SP140L: variants seen among roughly 807,000 people sequenced by gnomAD.
The protein encoded by SP140L is nuclear body protein SP140-like protein.
In SP140L, 64 loss-of-function variants were observed where a neutral mutation model predicts 84.3. That is an observed-to-expected ratio of 0.76 (90% confidence interval 0.62 to 0.94). SP140L has a LOEUF of 0.94. Ranked by LOEUF, SP140L falls within the 40% of genes least tolerant of loss-of-function variation. The pLI is 0.00. For missense variants in SP140L, 628 were observed against 692.5 expected (o/e 0.91, Z 1.05); for synonymous variants, 242 against 236.9 (o/e 1.02, Z -0.20).
intron 5 of SP140L, among the ~76,000 whole-genome samples, chr2:230,368,171 G>A (rs1025898523): frequency 6.6e-6 from 1 of 152,136 alleles, no homozygotes; most frequent in African/African-American, 2.4e-5. Flanking sequence ...TAGTGGTAAT[G>A]AACTTTCTTA....
chr2:230,339,163 A>G (rs547069418), intron 2 of SP140L, among the ~76,000 whole-genome samples: 3,504 of 151,508 alleles, frequency 0.023, 134 homozygotes, highest in African/African-American at 0.08. Context: ...GATTATTGCC[A>G]CAATTTCAGC....
At chr2:230,352,196 C>T (rs2149716372) in intron 2 of SP140L, among the ~76,000 whole-genome samples, 1 of 151,852 alleles carries the variant, frequency 6.6e-6, no homozygotes, top group African/African-American at 2.4e-5. Flanking sequence ...TATGTCTTTC[C>T]AAATAAGAAC....
At chr2:230,354,855 AAGAAAG>A (rs1267203108) in intron 2 of SP140L, among the ~76,000 whole-genome samples, 1 of 93,188 alleles carries the variant, frequency 1.1e-5, no homozygotes, top group Non-Finnish European at 2.3e-5. Context: ...AAAGGAAAGA[AAGAAAG>A]AAAGAAAGAA....
chr2:230,359,094 A>T lies in SP140L; in HGVS notation c.401A>T (p.Tyr134Phe), dbSNP rs761274647. ...ALFSEVNMQE[Y>F]PDLIHIYKSF... ...TTCAGCGAGGTCAACATGCAGGAATACCCCGATTTAATTCACATTTATAAA... is the reference window on the plus strand; with the variant it reads ...TTCAGCGAGGTCAACATGCAGGAATTCCCCGATTTAATTCACATTTATAAA... Residue 134 changes from tyrosine (Y) to phenylalanine (F), a missense_variant, in exon 4 of 19, where the codon TAC becomes TTC. Physicochemically the swap from Tyr to Phe is conservative, Grantham distance 22 (BLOSUM62 3). Coordinates refer to ENST00000415673, the MANE Select transcript of SP140L (RefSeq NM_138402.6). The T allele has an allele frequency of 5.0e-6, 8 of 1,608,752 alleles. No homozygotes were observed. Among genetic ancestry groups the T allele is most frequent in the Non-Finnish European group, 5.9e-6 (7 of 1,178,838 alleles).
chr2:230,380,961 T>G (rs1387487632), intron 7 of SP140L, among the ~76,000 whole-genome samples: 2 of 151,488 alleles, frequency 1.3e-5, no homozygotes, highest in African/African-American at 2.4e-5. Context: ...TCCTGTTTTT[T>G]CATATCTCTT....
chr2:230,402,704 T>C, intron 18 of SP140L, 94 bp from the exon 19 acceptor site: 1 of 972,382 alleles, frequency 1.0e-6, no homozygotes. Flanking sequence ...TTTTTATTTT[T>C]TAAAGACAAG....
At chr2:230,399,000 G>A (rs1469819241) in intron 14 of SP140L, among the ~76,000 whole-genome samples, 1 of 152,220 alleles carries the variant, frequency 6.6e-6, no homozygotes, top group Non-Finnish European at 1.5e-5. Flanking sequence ...GCCGGCGGAG[G>A]ACTTGTAGAT....
intron 5 of SP140L, among the ~76,000 whole-genome samples, chr2:230,362,541 A>C (rs2060750131): frequency 6.6e-6 from 1 of 152,032 alleles, no homozygotes; most frequent in Non-Finnish European, 1.5e-5. Context: ...GAGAGAAGGA[A>C]GGAGGGGAAG....
At chr2:230,376,616 T>A (rs1366778769) in intron 7 of SP140L, among the ~76,000 whole-genome samples, 2 of 152,156 alleles carry the variant, frequency 1.3e-5, no homozygotes, top group Non-Finnish European at 2.9e-5. Flanking sequence ...GTTCATAAAC[T>A]GGAAGAATAT....
chr2:230,364,367 A>G (rs1203546741), intron 5 of SP140L, among the ~76,000 whole-genome samples: 1 of 151,990 alleles, frequency 6.6e-6, no homozygotes, highest in Admixed American at 6.6e-5. Flanking sequence ...GTGTACAAAT[A>G]TTTCACCTCC....
chr2:230,369,065 A>G (rs1322145028), intron 5 of SP140L, among the ~76,000 whole-genome samples: 2 of 152,346 alleles, frequency 1.3e-5, no homozygotes, highest in African/African-American at 2.4e-5. Flanking sequence ...CATTTAAGGA[A>G]GTAAGGACTT....
At chr2:230,395,711 G>A (rs2062019035) in intron 13 of SP140L, among the ~76,000 whole-genome samples, 1 of 152,244 alleles carries the variant, frequency 6.6e-6, no homozygotes, top group Non-Finnish European at 1.5e-5. Flanking sequence ...TTGTGCTTTA[G>A]ATCACACTTG....
At chr2:230,400,758 C>A in intron 15 of SP140L, 197 bp from the exon 16 acceptor site, 2 of 1,293,536 alleles carry the variant, frequency 1.5e-6, no homozygotes, top group South Asian at 2.8e-5. Flanking sequence ...GGCTTCCCTC[C>A]TGCTGCTACC....
At position 230,327,269 on chromosome 2, in the gene SP140L, G is replaced by A. The variant is rs369186748; in HGVS notation, c.-1G>A. On this transcript the variant is annotated 5_prime_UTR_variant, in exon 1 of 19. Coordinates refer to ENST00000415673, the MANE Select transcript of SP140L (RefSeq NM_138402.6). ...ACCCAGGCAGGGCCTAGGGTGGGAC[G>A]ATGGCAGGTGGGGGCAGCGACCTGA... 195 of 1,611,204 alleles carry A rather than the reference G, an allele frequency of 1.2e-4. 1 individual carries two copies. Among genetic ancestry groups the A allele is most frequent in the South Asian group, 8.7e-4 (79 of 90,430 alleles).
At chr2:230,345,743 A>G (rs2060190330) in intron 2 of SP140L, among the ~76,000 whole-genome samples, 1 of 152,098 alleles carries the variant, frequency 6.6e-6, no homozygotes, top group Non-Finnish European at 1.5e-5. Flanking sequence ...AACTTCAACC[A>G]CATATAAAAC....
At chr2:230,402,577 T>C (rs1198387640) in intron 18 of SP140L, among the ~76,000 whole-genome samples, 2 of 152,222 alleles carry the variant, frequency 1.3e-5, no homozygotes, top group East Asian at 3.8e-4. Context: ...AAATGATGGC[T>C]CTTTGAGATG....
intron 15 of SP140L, 126 bp downstream of exon 15, chr2:230,400,368 C>T: frequency 1.1e-6 from 1 of 909,788 alleles, no homozygotes; most frequent in Non-Finnish European, 1.7e-6. Flanking sequence ...GTACTGGGAC[C>T]CAGCAGTGTG....
chr2:230,358,170 G>A (rs2060607346), intron 3 of SP140L, among the ~76,000 whole-genome samples: 1 of 152,108 alleles, frequency 6.6e-6, no homozygotes. Context: ...GGAAACAGCT[G>A]TTCTCCATAA....
At chr2:230,334,829 G>T (rs529446734) in intron 2 of SP140L, among the ~76,000 whole-genome samples, 3 of 152,002 alleles carry the variant, frequency 2.0e-5, no homozygotes, top group Non-Finnish European at 4.4e-5. Flanking sequence ...TAGGTGTGGG[G>T]TGAAATGTAG....
Sources: allele counts gnomAD v4.1 joint callset (sites outside exome capture counted in the v4.1 genomes callset), GRCh38; gene constraint gnomAD v4.1.1; transcripts MANE v1.5; gene names NCBI Gene and HGNC (gene_info 2026-07-23, HGNC 2026-07-21).